The following PLEKHA6 variants were observed in gnomAD, a reference collection of about 807,000 sequenced individuals.
The protein encoded by PLEKHA6 is pleckstrin homology domain-containing family A member 6.
A neutral mutation model predicts 116.7 loss-of-function variants in PLEKHA6; 60 were observed. That is an observed-to-expected ratio of 0.51 (90% CI 0.42 to 0.64). The LOEUF is 0.64. Among genes scored for constraint, PLEKHA6 ranks in the 30% least tolerant of loss-of-function variants. PLEKHA6 has a pLI of 0.00. For missense variants in PLEKHA6, 1,338 were observed against 1,422.7 expected, an observed-to-expected ratio of 0.94 and a Z score of 0.96; for synonymous variants, 489 against 556.1, an observed-to-expected ratio of 0.88 and a Z score of 1.70.
At chr1:204,225,773 A>G (rs1187883747) in intron 21 of PLEKHA6, among the ~76,000 whole-genome samples, 2 of 152,182 alleles carry the variant, frequency 1.3e-5, no homozygotes, top group African/African-American at 2.4e-5. Context: ...CATAATACAC[A>G]TTCCTACATT....
chr1:204,314,731 A>T (rs1337108671), intron 1 of PLEKHA6, among the ~76,000 whole-genome samples: 1 of 152,138 alleles, frequency 6.6e-6, no homozygotes, highest in African/African-American at 2.4e-5. Context: ...TGCCTCAGAG[A>T]CCTTTATCCA....
At chr1:204,321,447 C>T (rs746364188) in intron 1 of PLEKHA6, among the ~76,000 whole-genome samples, 8 of 151,696 alleles carry the variant, frequency 5.3e-5, no homozygotes, top group African/African-American at 9.7e-5. Context: ...CTACTGCCCC[C>T]CTGCAGTGCA....
At chr1:204,237,714 C>A (rs1468758764) in intron 17 of PLEKHA6, among the ~76,000 whole-genome samples, 1 of 152,230 alleles carries the variant, frequency 6.6e-6, no homozygotes, top group African/African-American at 2.4e-5. Context: ...GCAAGGCCAA[C>A]AATATACCTT....
At chr1:204,345,684 G>GA (rs34066628) in intron 1 of PLEKHA6, among the ~76,000 whole-genome samples, 137,780 of 152,010 alleles carry the variant, frequency 0.91, 62,564 homozygotes, top group East Asian at 0.95. Flanking sequence ...GCATTTCCCT[G>GA]AAAGAACAGC....
chr1:204,245,357 G>A (rs1019794845), intron 14 of PLEKHA6, among the ~76,000 whole-genome samples: 8 of 152,114 alleles, frequency 5.3e-5, no homozygotes, highest in Admixed American at 3.9e-4. Context: ...AGGCTTAGGT[G>A]CTTTTGACCT....
intron 21 of PLEKHA6, among the ~76,000 whole-genome samples, chr1:204,224,875 C>A (rs1660121297): frequency 6.6e-6 from 1 of 152,212 alleles, no homozygotes; most frequent in African/African-American, 2.4e-5. Flanking sequence ...TCTAAAACAG[C>A]CAAGAAACCA....
At chr1:204,363,643 C>G (rs1027506592), upstream of PLEKHA6, among the ~76,000 whole-genome samples, 4 of 152,122 alleles carry the variant, frequency 2.6e-5, no homozygotes, top group Admixed American at 6.5e-5. Context: ...GGGAACACTT[C>G]CTGTTGGGCA....
Position 204,220,010 on chromosome 1 carries a change from CA to C in PLEKHA6, c.*2777del, listed in dbSNP as rs1659482592. On this transcript the variant is annotated 3_prime_UTR_variant, in exon 23 of 23. Coordinates refer to ENST00000272203, the MANE Select transcript of PLEKHA6 (RefSeq NM_014935.5). Reference sequence around the variant, plus strand: ...AATGTGACCCAGGCCAGAGAGGGATCAAGTGAAAAGGAGTGTGACAAGTCCA... The same window carrying C: ...AATGTGACCCAGGCCAGAGAGGGATCAGTGAAAAGGAGTGTGACAAGTCCA... The C allele has an allele frequency of 6.6e-6, 1 of 152,166 alleles. No individual in the cohort carries two copies. Among genetic ancestry groups the C allele is most frequent in the Non-Finnish European group, 1.5e-5 (1 of 68,052 alleles). 9.4% of individuals were successfully genotyped at this position (152,166 alleles called of 1,614,324 possible).
At chr1:204,292,361 T>C (rs1476810601) in intron 1 of PLEKHA6, among the ~76,000 whole-genome samples, 1 of 152,148 alleles carries the variant, frequency 6.6e-6, no homozygotes, top group Non-Finnish European at 1.5e-5. Flanking sequence ...ACCCACCTCA[T>C]ATACCTGAGG....
intron 6 of PLEKHA6, among the ~76,000 whole-genome samples, chr1:204,263,682 G>A (rs1455994098): frequency 7.2e-5 from 11 of 152,126 alleles, no homozygotes; most frequent in East Asian, 1.9e-4. Context: ...GAGCTGGAAC[G>A]TGTCTGTGTC....
At position 204,337,675 on chromosome 1, in the gene PLEKHA6, C is replaced by G. The variant is rs115556642; in HGVS notation, c.-95+22019G>C. 2.5e-3 allele frequency among the ~76,000 whole-genome samples: 380 copies of G among 152,302 alleles called. 4 individuals are homozygous for G. Among genetic ancestry groups the G allele is most frequent in the Non-Finnish European group, 3.3e-3 (223 of 68,038 alleles). On this transcript the variant is annotated intron_variant, in intron 1 of 22. Coordinates refer to ENST00000272203, the MANE Select transcript of PLEKHA6 (RefSeq NM_014935.5). Reference sequence around the variant, plus strand: ...GCCTCCGGGGTGACTGGAGACCTGGCTGTCTGCACTGTGTTAGAAAGAAGA... The same window carrying G: ...GCCTCCGGGGTGACTGGAGACCTGGGTGTCTGCACTGTGTTAGAAAGAAGA...
At chr1:204,324,041 C>T (rs1672157073) in intron 1 of PLEKHA6, among the ~76,000 whole-genome samples, 1 of 152,078 alleles carries the variant, frequency 6.6e-6, no homozygotes, top group African/African-American at 2.4e-5. Flanking sequence ...CTGAGTGAGA[C>T]CTGAAGTCAC....
chr1:204,302,729 A>G (rs931654199), intron 1 of PLEKHA6, among the ~76,000 whole-genome samples: 4 of 152,138 alleles, frequency 2.6e-5, no homozygotes, highest in Non-Finnish European at 4.4e-5. Context: ...ATACAAAATT[A>G]TCTGAGCGTG....
At chr1:204,308,774 C>T (rs969787920) in intron 1 of PLEKHA6, among the ~76,000 whole-genome samples, 4 of 145,414 alleles carry the variant, frequency 2.8e-5, no homozygotes, top group South Asian at 4.3e-4. Flanking sequence ...CTGCAAGCTC[C>T]GCCTCCCGGG....
chr1:204,274,976 AG>A (rs1338729930), intron 1 of PLEKHA6, 167 bp from the exon 2 acceptor site: 27 of 29,084 alleles, frequency 9.3e-4, no homozygotes, highest in Admixed American at 2.3e-3. Context: ...CATCTGGATG[AG>A]GGTGGGGGCG....
chr1:204,248,965 G>T lies in PLEKHA6; in HGVS notation c.1680C>A (p.Ser560Arg). 4 of 1,613,876 alleles carry T rather than the reference G, an allele frequency of 2.5e-6. No homozygotes were observed. The highest frequency in any genetic ancestry group is 3.4e-6 in the Non-Finnish European group (4 of 1,179,884). The change falls in exon 12 of 23, where the codon AGC becomes AGA. Residue 560 changes from serine to arginine, a missense_variant. This residue lies in a region of PLEKHA6 where 1,136 missense variants were observed against 1,163.6 expected (regional missense o/e 0.98). Transcript: ENST00000272203. ...LVQQLRAEKE[S>R]LESALMGTHQ... ...GGGTCCCCATCAAGGCACTTTCCAG[G>T]CTCTCCTGAAGAAAGGCAGGGGAAT...
chr1:204,339,621 C>T (rs1672776312), intron 1 of PLEKHA6, among the ~76,000 whole-genome samples: 1 of 152,124 alleles, frequency 6.6e-6, no homozygotes, highest in African/African-American at 2.4e-5. Context: ...TTCAATGAAC[C>T]CCCAGGGAAA....
At chr1:204,320,838 A>G (rs1031916746) in intron 1 of PLEKHA6, among the ~76,000 whole-genome samples, 5 of 152,170 alleles carry the variant, frequency 3.3e-5, no homozygotes, top group South Asian at 2.1e-4. Context: ...CCTTCCCCCA[A>G]AAAACCCAGA....
chr1:204,270,808 C>G (rs1182310785), intron 3 of PLEKHA6, among the ~76,000 whole-genome samples: 3 of 152,220 alleles, frequency 2.0e-5, no homozygotes, highest in Non-Finnish European at 4.4e-5. Context: ...TGAGATATGG[C>G]AGGGCCTGTC....
Sources: allele counts gnomAD v4.1 joint callset (sites outside exome capture counted in the v4.1 genomes callset), GRCh38; gene constraint gnomAD v4.1.1; regional missense constraint gnomAD v4.1.1; transcripts MANE v1.5; gene names NCBI Gene and HGNC (gene_info 2026-07-23, HGNC 2026-07-21).